The following CSMD1 variants were observed in gnomAD, a reference collection of about 807,000 sequenced individuals.
CSMD1 encodes the protein CUB and sushi domain-containing protein 1.
CSMD1 carries 213 observed loss-of-function variants against 417.5 expected under a neutral mutation model. That is an observed-to-expected ratio of 0.51 (90% CI 0.46 to 0.57). The LOEUF is 0.57. Among genes scored for constraint, CSMD1 ranks in the 20% least tolerant of loss-of-function variants. CSMD1 has a pLI of 0.00. For synonymous variants in CSMD1, 2,862 were observed against 1,736.8 expected, an observed-to-expected ratio of 1.65 and a Z score of -16.11; for missense variants, 6,923 against 4,529.7, an observed-to-expected ratio of 1.53 and a Z score of -15.17.
chr8:3,954,243 G>C (rs997063947), intron 5 of CSMD1, among the ~76,000 whole-genome samples: 1 of 152,228 alleles, frequency 6.6e-6, no homozygotes, highest in Non-Finnish European at 1.5e-5. Context: ...TCCAGAGCAG[G>C]AGTGGAAGTT....
intron 26 of CSMD1, among the ~76,000 whole-genome samples, chr8:3,272,447 G>T (rs1038385831): frequency 2.7e-4 from 40 of 150,660 alleles, no homozygotes; most frequent in African/African-American, 9.7e-4. Context: ...CTTTAAAGTA[G>T]TTTTTTCCAA....
At chr8:3,565,131 CAAAAAAAAAAAAAA>C (rs869248314) in intron 10 of CSMD1, among the ~76,000 whole-genome samples, 133 of 10,462 alleles carry the variant, frequency 0.013, 3 homozygotes, top group Non-Finnish European at 0.017. Flanking sequence ...TGCAAGACAG[CAAAAAAAAAAAAAA>C]AAAAAAAAAA....
chr8:3,895,262 T>A (rs943888804), intron 5 of CSMD1, among the ~76,000 whole-genome samples: 8 of 152,220 alleles, frequency 5.3e-5, no homozygotes, highest in African/African-American at 1.9e-4. Context: ...AACAAAGAGA[T>A]GGTCTACTGC....
intron 12 of CSMD1, among the ~76,000 whole-genome samples, chr8:3,439,309 A>ATATATATATATATATATATTTTTTTTT: frequency 1.6e-5 from 1 of 62,478 alleles, no homozygotes; most frequent in East Asian, 5.7e-4. Flanking sequence ...ATATATATAT[A>ATATATATATATATATATATTTTTTTTT]TTTTTTTTTT....
chr8:3,142,375 G>C, intron 41 of CSMD1, 90 bp downstream of exon 41: 1 of 1,142,596 alleles, frequency 8.8e-7, no homozygotes, highest in Non-Finnish European at 1.3e-6. Flanking sequence ...TACAAGCTTG[G>C]AACCAGTTAG....
chr8:3,960,634 T>C (rs1362680399), intron 5 of CSMD1, among the ~76,000 whole-genome samples: 3 of 151,924 alleles, frequency 2.0e-5, no homozygotes, highest in Non-Finnish European at 4.4e-5. Context: ...AATATTAATA[T>C]GCACTGATTA....
intron 10 of CSMD1, among the ~76,000 whole-genome samples, chr8:3,494,683 C>T (rs777545919): frequency 7.8e-5 from 7 of 90,146 alleles, no homozygotes; most frequent in African/African-American, 1.8e-4. Flanking sequence ...TACACAGATA[C>T]ATGAATATAT....
intron 7 of CSMD1, among the ~76,000 whole-genome samples, chr8:3,695,935 G>C (rs376068852): frequency 6.6e-6 from 1 of 152,122 alleles, no homozygotes; most frequent in Non-Finnish European, 1.5e-5. Flanking sequence ...GTAGGAACAA[G>C]ACAAATCAGA....
chr8:3,120,716 C>T (rs966390419), intron 41 of CSMD1, among the ~76,000 whole-genome samples: 7 of 150,402 alleles, frequency 4.7e-5, no homozygotes, highest in South Asian at 4.2e-4. Flanking sequence ...GGGGGGTGAC[C>T]GGCACCTGTA....
At chr8:4,607,213 G>C (rs1029244232) in intron 2 of CSMD1, among the ~76,000 whole-genome samples, 1 of 152,036 alleles carries the variant, frequency 6.6e-6, no homozygotes, top group African/African-American at 2.4e-5. Flanking sequence ...GGGAGAGGTA[G>C]ACAATGGGCA....
chr8:3,869,796 G>A (rs1280484689), intron 5 of CSMD1, among the ~76,000 whole-genome samples: 1 of 152,076 alleles, frequency 6.6e-6, no homozygotes, highest in African/African-American at 2.4e-5. Flanking sequence ...GGCAAGATGG[G>A]AGCTTGCCAG....
rs150247043 is a variant in CSMD1, at chr8:3,998,062, G to C, written c.659C>G (p.Ser220Cys). 63 of 1,595,040 alleles carry C rather than the reference G, an allele frequency of 3.9e-5. No individual in the cohort carries two copies. The highest frequency in any genetic ancestry group is 5.2e-5 in the Admixed American group (3 of 57,316). Residue 220 changes from serine to cysteine, a missense_variant, in exon 5 of 70, where the codon TCC becomes TGC. By Grantham distance (112) the Ser-to-Cys change is moderately radical (BLOSUM62 -1). Coordinates refer to ENST00000635120, the MANE Select transcript of CSMD1 (RefSeq NM_033225.6). Reference sequence around the variant, plus strand: ...GTACTCTGAAGGGAAGTGCGGGCTGGAGATGGAGCTGCTGGTCCCGCGTAA... The same window carrying C: ...GTACTCTGAAGGGAAGTGCGGGCTGCAGATGGAGCTGCTGGTCCCGCGTAA... ...GTLRGTSSSI[S>C]SPHFPSEYEN... is the part of the protein sequence containing the mutation.
chr8:4,303,170 G>T (rs569847387), intron 3 of CSMD1, among the ~76,000 whole-genome samples: 3 of 151,946 alleles, frequency 2.0e-5, no homozygotes, highest in Non-Finnish European at 4.4e-5. Flanking sequence ...ATATAATAGG[G>T]CATGAATATT....
intron 3 of CSMD1, among the ~76,000 whole-genome samples, chr8:4,070,911 A>G (rs905985107): frequency 6.6e-6 from 1 of 152,102 alleles, no homozygotes; most frequent in African/African-American, 2.4e-5. Flanking sequence ...TAGCACTTTA[A>G]TGATGTTGTT....
intron 1 of CSMD1, among the ~76,000 whole-genome samples, chr8:4,928,960 A>T (rs993739927): frequency 6.6e-6 from 1 of 152,090 alleles, no homozygotes; most frequent in Non-Finnish European, 1.5e-5. Context: ...AATCCCAGCT[A>T]CTTGGAAGGC....
chr8:3,165,475 A>T (rs1042692195), intron 37 of CSMD1, among the ~76,000 whole-genome samples: 3 of 151,878 alleles, frequency 2.0e-5, no homozygotes, highest in African/African-American at 7.3e-5. Flanking sequence ...TCTGTCGCCC[A>T]GGCTGGAGTG....
chr8:4,946,684 T>C (rs921357667), intron 1 of CSMD1, among the ~76,000 whole-genome samples: 1 of 152,198 alleles, frequency 6.6e-6, no homozygotes, highest in African/African-American at 2.4e-5. Context: ...GTAACAATTG[T>C]ATTATTCACT....
At chr8:4,132,166 G>C (rs1309415838) in intron 3 of CSMD1, among the ~76,000 whole-genome samples, 4 of 136,924 alleles carry the variant, frequency 2.9e-5, no homozygotes, top group Admixed American at 7.3e-5. Context: ...TTGCCTGTTT[G>C]TTTATGCGGG....
At chr8:4,111,731 G>C (rs1342779022) in intron 3 of CSMD1, among the ~76,000 whole-genome samples, 1 of 152,118 alleles carries the variant, frequency 6.6e-6, no homozygotes. Context: ...GGAACACATG[G>C]AAACAGAGAG....
Sources: gnomAD v4.1 joint callset for allele counts (sites outside exome capture counted in the v4.1 genomes callset) on GRCh38, gnomAD v4.1.1 for gene constraint, MANE v1.5 for transcripts, NCBI Gene and HGNC (gene_info 2026-07-23, HGNC 2026-07-21) for gene names.